The following UTP20 variants were observed in gnomAD, a reference collection of about 807,000 sequenced individuals.
UTP20 encodes small subunit processome component 20 homolog.
Under a neutral mutation model 329.5 loss-of-function variants are expected in UTP20, and 164 were observed. That is an observed-to-expected ratio of 0.50 (90% CI 0.44 to 0.57). The LOEUF is 0.57. Ranked by LOEUF, UTP20 falls within the 20% of genes least tolerant of loss-of-function variation. The pLI, the probability that UTP20 is intolerant of heterozygous loss-of-function variation, is 0.00. For synonymous variants in UTP20, 1,151 were observed against 1,159.3 expected, an observed-to-expected ratio of 0.99 and a Z score of 0.14; for missense variants, 3,055 against 3,284.2, an observed-to-expected ratio of 0.93 and a Z score of 1.71.
intron 35 of UTP20, 144 bp from the exon 36 acceptor site, chr12:101,344,451 G>A (rs1215879926): frequency 1.6e-6 from 1 of 610,588 alleles, no homozygotes; most frequent in Non-Finnish European, 2.9e-6. Context: ...TCTCCCTTAG[G>A]TTTGAAATAT....
Position 101,363,720 on chromosome 12 carries a change from A to G in UTP20, c.5935A>G (p.Lys1979Glu), listed in dbSNP as rs141173458. Residue 1979 changes from lysine (K) to glutamate (E), a missense_variant, in exon 45 of 62, where the codon AAA becomes GAA. This residue lies in a region of UTP20 where 2,445 missense variants were observed against 2,575.5 expected (regional missense o/e 0.95). Transcript: ENST00000261637. ...GKFVGKDQVT[K>E]LILPLKEILQ... ...GTTTGTAGGAAAAGATCAGGTTACA[A>G]AACTCATCCTTCCATTAAAAGAGGT... is the stretch of plus-strand genomic sequence containing the variant. The G allele has an allele frequency of 7.6e-4, 1,228 of 1,609,040 alleles. 4 individuals are homozygous for G. The African/African-American group carries it at 0.011, about 15-fold the overall frequency.
At chr12:101,314,979 G>C (rs751511066) in intron 21 of UTP20, among the ~76,000 whole-genome samples, 2 of 152,016 alleles carry the variant, frequency 1.3e-5, no homozygotes, top group Admixed American at 1.3e-4. Flanking sequence ...GTAAGTCCCA[G>C]CTATTTGGGA....
intron 15 of UTP20, among the ~76,000 whole-genome samples, chr12:101,303,380 G>A (rs1303185729): frequency 6.6e-6 from 1 of 152,202 alleles, no homozygotes; most frequent in Non-Finnish European, 1.5e-5. Flanking sequence ...TCAGGAGATA[G>A]GGAGAGTCCA....
At chr12:101,354,791 T>C (rs987130133) in intron 40 of UTP20, 41 bp from the exon 41 acceptor site, 16 of 1,581,206 alleles carry the variant, frequency 1.0e-5, no homozygotes, top group Non-Finnish European at 1.3e-5. Flanking sequence ...TGTGGTTTCA[T>C]TATTTGCTTT....
At position 101,355,036 on chromosome 12, in the gene UTP20, A is replaced by C; in HGVS notation, c.5312A>C (p.Glu1771Ala). The change falls in exon 41 of 62, where the codon GAA becomes GCA. Residue 1771 changes from glutamate (E) to alanine (A), a missense_variant. Transcript: ENST00000261637. ...TCTTTCCTTCCTCAAAACAAGGAAG[A>C]AATAGAGAGAACAATTAAAAATATC... Reference protein sequence around the residue: ...PVSFLPQNKEEIERTIKNIQG... With the variant: ...PVSFLPQNKEAIERTIKNIQG... The C allele has an allele frequency of 1.2e-6, 2 of 1,614,216 alleles. No homozygotes were observed. Among genetic ancestry groups the C allele is most frequent in the Non-Finnish European group, 1.7e-6 (2 of 1,180,030 alleles).
At chr12:101,339,201 T>A (rs1869038921) in intron 31 of UTP20, among the ~76,000 whole-genome samples, 1 of 152,002 alleles carries the variant, frequency 6.6e-6, no homozygotes, top group Admixed American at 6.5e-5. Context: ...TAATCTCAGC[T>A]ACTCAGGAGA....
chr12:101,293,130 C>T (rs769864771), intron 10 of UTP20, 38 bp from the exon 11 acceptor site: 9 of 1,587,662 alleles, frequency 5.7e-6, no homozygotes, highest in South Asian at 5.5e-5. Context: ...AAAATACTCT[C>T]TGTGTACTTA....
intron 14 of UTP20, 106 bp downstream of exon 14, chr12:101,300,167 A>G (rs1323369147): frequency 2.7e-6 from 3 of 1,104,756 alleles, no homozygotes; most frequent in African/African-American, 1.5e-5. Flanking sequence ...GTGTTCTGGC[A>G]TAACCCCCTG....
chr12:101,383,850 A>G (rs1870742935), intron 60 of UTP20, among the ~76,000 whole-genome samples, 181 bp downstream of exon 60: 1 of 149,612 alleles, frequency 6.7e-6, no homozygotes, highest in Non-Finnish European at 1.5e-5. Flanking sequence ...ATACACACAC[A>G]CACACACACA....
At chr12:101,303,677 C>T (rs1480960941) in intron 15 of UTP20, among the ~76,000 whole-genome samples, 1 of 152,042 alleles carries the variant, frequency 6.6e-6, no homozygotes, top group East Asian at 1.9e-4. Flanking sequence ...CCTTAGGTCA[C>T]CGTAGGGCCT....
rs746147073 is a variant in UTP20, at chr12:101,329,294, G to C, written c.3262G>C (p.Val1088Leu). The change falls in exon 27 of 62, where the codon GTT (valine) becomes CTT (leucine). Residue 1088 changes from valine (V) to leucine (L), a missense_variant. This residue lies in a region of UTP20 where 2,445 missense variants were observed against 2,575.5 expected (regional missense o/e 0.95). Transcript: ENST00000261637. ...QAVEDLDLSK[V>L]LPLGRQHGIL... is the part of the protein sequence containing the mutation. ...AGTAGAAGACTTGGATTTGTCTAAA[G>C]TTCTTCCTTTAGGTCGTCAGCACGG... 6.2e-7 allele frequency: 1 copy of C among 1,614,020 alleles called. No individual in the cohort carries two copies. The highest frequency in any genetic ancestry group is 8.5e-7 in the Non-Finnish European group (1 of 1,180,042).
chr12:101,372,301 A>G (rs1232330340), intron 51 of UTP20, among the ~76,000 whole-genome samples: 3 of 152,240 alleles, frequency 2.0e-5, no homozygotes, highest in Non-Finnish European at 4.4e-5. Flanking sequence ...CAGACTAGGC[A>G]TGGAATTCTG....
chr12:101,380,669 C>T lies in UTP20; in HGVS notation c.7585-471C>T, dbSNP rs1870615476. Among the ~76,000 whole-genome samples, 3 of 151,918 alleles carry T rather than the reference C, an allele frequency of 2.0e-5. No homozygotes were observed. In the South Asian group the frequency reaches 6.2e-4, roughly 32 times the overall value. On this transcript the variant is annotated intron_variant, in intron 57 of 61. Transcript: ENST00000261637. ...CCTGAGGTCAGGAGTTCGAGACCAG[C>T]CTGGCCAACATGGCGAAACCCCATC...
At chr12:101,307,880 A>G (rs986544234) in intron 17 of UTP20, among the ~76,000 whole-genome samples, 2 of 152,214 alleles carry the variant, frequency 1.3e-5, no homozygotes, top group African/African-American at 4.8e-5. Context: ...TAGATTTGTG[A>G]AGCAAAAGCG....
rs993601149 is a variant in UTP20, at chr12:101,302,542, G to A, written c.1770G>A (p.Lys590=). Residue 590 remains lysine (K), a synonymous_variant, in exon 15 of 62, where the codon AAG becomes AAA. Transcript: ENST00000261637. ...LLHLVPVERV[K]NLVLTFPLEP... is the part of the protein sequence containing the mutation. ...ATTTGGTTCCTGTGGAACGTGTGAA[G>A]AATTTAGTATTGTAAGTAAACATCT... The A allele has an allele frequency of 5.6e-6, 9 of 1,603,694 alleles. No individual in the cohort carries two copies. Among genetic ancestry groups the A allele is most frequent in the African/African-American group, 2.7e-5 (2 of 74,468 alleles).
intron 49 of UTP20, among the ~76,000 whole-genome samples, 161 bp downstream of exon 49, chr12:101,370,052 T>TA (rs368067856): frequency 0.24 from 29,533 of 122,056 alleles, 6,983 homozygotes; most frequent in African/African-American, 0.58. Context: ...CGTGTCTACA[T>TA]AAAAAAAAAA....
chr12:101,351,984 T>C, intron 38 of UTP20, 71 bp from the exon 39 acceptor site: 1 of 1,554,458 alleles, frequency 6.4e-7, no homozygotes, highest in Non-Finnish European at 8.8e-7. Flanking sequence ...ACTTTTTCAA[T>C]ATACTGAGTT....
chr12:101,352,686 A>G (rs1347483196), intron 39 of UTP20, among the ~76,000 whole-genome samples: 2 of 142,102 alleles, frequency 1.4e-5, no homozygotes, highest in Non-Finnish European at 2.9e-5. Context: ...TGGGGAGGAT[A>G]GCATTGGGAG....
chr12:101,284,647 A>G (rs1448683995), intron 2 of UTP20, among the ~76,000 whole-genome samples: 1 of 152,142 alleles, frequency 6.6e-6, no homozygotes, highest in Non-Finnish European at 1.5e-5. Context: ...GTATACATAC[A>G]TGTCATACAT....
Sources: allele counts gnomAD v4.1 joint callset (sites outside exome capture counted in the v4.1 genomes callset), GRCh38; gene constraint gnomAD v4.1.1; regional missense constraint gnomAD v4.1.1; transcripts MANE v1.5; gene names NCBI Gene and HGNC (gene_info 2026-07-23, HGNC 2026-07-21).